Variants in UNC80 observed in about 807,000 individuals in gnomAD.
UNC80 encodes the protein unc-80 subunit of NALCN channel complex, also known as protein unc-80 homolog.
Under a neutral mutation model 384.6 loss-of-function variants are expected in UNC80, and 164 were observed. The observed-to-expected ratio is 0.43, with a 90% CI of 0.38 to 0.49. The LOEUF (loss-of-function observed/expected upper bound fraction) is 0.49, where lower values mean the gene tolerates loss of function less well. UNC80 is among the 20% of genes least tolerant of loss of function. The probability of loss-of-function intolerance (pLI) is 0.00; values close to 1 mark genes in which losing one functional copy is unlikely to be tolerated. For synonymous variants in UNC80, 1,486 were observed against 1,527.8 expected (o/e 0.97, Z 0.64); for missense variants, 3,330 against 4,143.0 (o/e 0.80, Z 5.39).
At chr2:209,908,764 C>T (rs2088570762) in intron 29 of UNC80, among the ~76,000 whole-genome samples, 1 of 152,194 alleles carries the variant, frequency 6.6e-6, no homozygotes, top group East Asian at 1.9e-4. Context: ...AGGCCAAGAC[C>T]AGGCCCTGGA....
At chr2:209,786,829 A>G (rs1247175815) in intron 5 of UNC80, among the ~76,000 whole-genome samples, 1 of 151,978 alleles carries the variant, frequency 6.6e-6, no homozygotes, top group East Asian at 1.9e-4. Flanking sequence ...GCCACCTTAT[A>G]GGGCTTTTTA....
chr2:209,831,094 TTTTTTTTTTC>T (rs1182978539), intron 15 of UNC80, among the ~76,000 whole-genome samples: 2 of 150,322 alleles, frequency 1.3e-5, no homozygotes, highest in South Asian at 4.2e-4. Flanking sequence ...TTTAGGAGCT[TTTTTTTTTTC>T]TTTTTTTTTC....
At chr2:209,903,973 A>G (rs1041850228) in intron 28 of UNC80, among the ~76,000 whole-genome samples, 32 of 152,254 alleles carry the variant, frequency 2.1e-4, no homozygotes, top group Non-Finnish European at 3.8e-4. Flanking sequence ...AGCATTCAGA[A>G]GATACTCTAC....
chr2:209,925,573 CT>C (rs74552171), intron 35 of UNC80, among the ~76,000 whole-genome samples: 24,364 of 152,176 alleles, frequency 0.16, 2,195 homozygotes, highest in East Asian at 0.22. Flanking sequence ...TATTTGGCCC[CT>C]CCCACATCCA....
intron 29 of UNC80, among the ~76,000 whole-genome samples, chr2:209,906,761 A>G (rs1225643899): frequency 2.6e-5 from 4 of 152,206 alleles, no homozygotes; most frequent in Non-Finnish European, 5.9e-5. Flanking sequence ...GCATACATGT[A>G]TATGTATATA....
intron 4 of UNC80, among the ~76,000 whole-genome samples, chr2:209,780,954 C>T (rs116305404): frequency 0.022 from 3,326 of 152,294 alleles, 36 homozygotes; most frequent in Non-Finnish European, 0.035. Flanking sequence ...ACCACACAAC[C>T]ATTCAGACTA....
chr2:209,957,874 G>A (rs1215705245), intron 49 of UNC80, 138 bp downstream of exon 49: 1 of 779,020 alleles, frequency 1.3e-6, no homozygotes, highest in African/African-American at 1.8e-5. Flanking sequence ...GAAGGTGAGA[G>A]TTTAGAGTTA....
At position 209,771,998 on chromosome 2, in the gene UNC80, C is replaced by T; in HGVS notation, c.-75C>T. 1 of 1,083,496 alleles carries T rather than the reference C, an allele frequency of 9.2e-7. No individual in the cohort carries two copies. The highest frequency in any genetic ancestry group is 1.4e-6 in the Non-Finnish European group (1 of 725,658). The allele number at this position is 1,083,496 out of a possible 1,614,324, so 67.1% of individuals were successfully genotyped here. Reference sequence around the variant, plus strand: ...AGGAGGGGATGAGAGTTGGGAGCAGCGGGAGGAGGCGGCGGCGGCGGCTAG... The same window carrying T: ...AGGAGGGGATGAGAGTTGGGAGCAGTGGGAGGAGGCGGCGGCGGCGGCTAG... On this transcript the variant is annotated 5_prime_UTR_variant, in exon 1 of 65. Transcript: ENST00000673920.
intron 2 of UNC80, among the ~76,000 whole-genome samples, chr2:209,775,189 G>A (rs895240523): frequency 6.6e-6 from 1 of 152,100 alleles, no homozygotes; most frequent in African/African-American, 2.4e-5. Flanking sequence ...ACTTGTTCCG[G>A]AGTGCTACAC....
At position 209,973,368 on chromosome 2, in the gene UNC80, G is replaced by A. The variant is rs1053016458; in HGVS notation, c.8587+98G>A. The A allele has an allele frequency of 1.8e-5, 21 of 1,166,066 alleles. No individual in the cohort carries two copies. The African/African-American group carries it at 2.6e-4, about 15-fold the overall frequency. The allele number at this position is 1,166,066 out of a possible 1,614,324, so 72.2% of individuals were successfully genotyped here. A position where few individuals can be genotyped will look rare whatever the true frequency, so the allele number is the denominator to read the frequency against. On this transcript the variant is annotated intron_variant, in intron 56 of 64. Coordinates refer to ENST00000673920, the MANE Select transcript of UNC80 (RefSeq NM_001371986.1). ...TAGATAGATAAATAAATAAATAGAT[G>A]TACTTAGTTAAGTTCCAACTTAACT...
At chr2:209,793,426 G>A (rs1297724041) in intron 6 of UNC80, among the ~76,000 whole-genome samples, 1 of 152,006 alleles carries the variant, frequency 6.6e-6, no homozygotes, top group Non-Finnish European at 1.5e-5. Flanking sequence ...CTCTCCTATA[G>A]ATACTGGGTA....
chr2:209,820,592 AGATGGAGGAGGTGGAGGAGGT>A lies in UNC80; in HGVS notation c.2256_2276del (p.Asp756_Gly762del). 2 of 1,550,386 alleles carry A rather than the reference AGATGGAGGAGGTGGAGGAGGT, an allele frequency of 1.3e-6. No individual in the cohort carries two copies. Among genetic ancestry groups the A allele is most frequent in the Non-Finnish European group, 1.7e-6 (2 of 1,146,360 alleles). ...GTGGAGGAGAAGAAGGAGGAGGTGG[AGATGGAGGAGGTGGAGGAGGT>A]GATGGAGGAGGAGGTGGAGGAGGTG... On this transcript the variant is annotated inframe_deletion, in exon 13 of 65. Transcript: ENST00000673920.
chr2:209,834,513 A>G lies in UNC80; in HGVS notation c.2942+345A>G, dbSNP rs1225355127. ...ATTCAGAAAGGCAAAGCAATTACTGATGCCATATGATCCTGTTCAGTAAAT... is the reference window on the plus strand; with the variant it reads ...ATTCAGAAAGGCAAAGCAATTACTGGTGCCATATGATCCTGTTCAGTAAAT... On this transcript the variant is annotated intron_variant, in intron 17 of 64. Transcript: ENST00000673920. Among the ~76,000 whole-genome samples, 6 of 152,324 alleles carry G rather than the reference A, an allele frequency of 3.9e-5. No homozygotes were observed. In the South Asian group the frequency reaches 6.2e-4, roughly 16 times the overall value.
At chr2:209,870,084 A>G (rs2124878517) in intron 22 of UNC80, among the ~76,000 whole-genome samples, 2 of 152,310 alleles carry the variant, frequency 1.3e-5, no homozygotes, top group Middle Eastern at 6.8e-3. Flanking sequence ...ACTTAGAGGC[A>G]ATAAAATGAT....
intron 7 of UNC80, among the ~76,000 whole-genome samples, chr2:209,807,056 G>T (rs955443721): frequency 1.3e-5 from 2 of 152,086 alleles, no homozygotes; most frequent in Non-Finnish European, 2.9e-5. Context: ...GTCATAACAT[G>T]TTGTTTATTC....
At chr2:209,794,792 AAGAAG>A (rs1473158482) in intron 7 of UNC80, 7 of 454,938 alleles carry the variant, frequency 1.5e-5, no homozygotes, top group Non-Finnish European at 2.7e-5. Context: ...ACCACCATAT[AAGAAG>A]CACCTTTCAC....
intron 59 of UNC80, among the ~76,000 whole-genome samples, chr2:209,980,122 G>T (rs549115979): frequency 6.6e-6 from 1 of 152,238 alleles, no homozygotes; most frequent in Non-Finnish European, 1.5e-5. Flanking sequence ...TACACCTAAA[G>T]TTGTAATTAG....
intron 23 of UNC80, among the ~76,000 whole-genome samples, chr2:209,875,025 C>T (rs955222483): frequency 5.9e-5 from 9 of 152,162 alleles, no homozygotes; most frequent in Non-Finnish European, 7.3e-5. Flanking sequence ...CATGACTTCT[C>T]ATCTCGATGA....
chr2:209,979,716 T>C (rs950449979), intron 59 of UNC80, among the ~76,000 whole-genome samples: 1 of 152,324 alleles, frequency 6.6e-6, no homozygotes, highest in African/African-American at 2.4e-5. Flanking sequence ...TAATATTGCA[T>C]TAATTATTTT....
Sources: allele counts gnomAD v4.1 joint callset (sites outside exome capture counted in the v4.1 genomes callset), GRCh38; gene constraint gnomAD v4.1.1; transcripts MANE v1.5; gene names NCBI Gene and HGNC (gene_info 2026-07-23, HGNC 2026-07-21).